The following PPP2R2B variants were observed in gnomAD, a reference collection of about 807,000 sequenced individuals.
PPP2R2B encodes the protein protein phosphatase 2 regulatory subunit Bbeta, also known as serine/threonine-protein phosphatase 2A 55 kDa regulatory subunit B beta isoform.
In PPP2R2B, 5 loss-of-function variants were observed where a neutral mutation model predicts 46.0. That is an observed-to-expected ratio of 0.11 (90% CI 0.06 to 0.23). The LOEUF is 0.23. Ranked by LOEUF, PPP2R2B falls within the 10% of genes least tolerant of loss-of-function variation. The pLI is 1.00. For missense variants in PPP2R2B, 367 were observed against 575.0 expected (o/e 0.64, Z 3.70); for synonymous variants, 215 against 206.7 (o/e 1.04, Z -0.34).
intron 2 of PPP2R2B, among the ~76,000 whole-genome samples, chr5:146,849,670 A>G (rs918998689): frequency 6.6e-5 from 10 of 152,306 alleles, no homozygotes; most frequent in African/African-American, 2.4e-4. Context: ...AAGTGCTTTT[A>G]TTCAACCCAG....
At chr5:147,059,744 G>T (rs1757202540), upstream of PPP2R2B, among the ~76,000 whole-genome samples, 1 of 152,170 alleles carries the variant, frequency 6.6e-6, no homozygotes, top group African/African-American at 2.4e-5. Context: ...TGAGTGCTGT[G>T]CTCTGAACTA....
intron 5 of PPP2R2B, among the ~76,000 whole-genome samples, chr5:146,657,939 T>C (rs1776439717): frequency 6.6e-6 from 1 of 152,112 alleles, no homozygotes; most frequent in Non-Finnish European, 1.5e-5. Flanking sequence ...GTATCATCAA[T>C]TAGGAAGTGC....
chr5:146,606,331 G>C (rs1183973892), intron 7 of PPP2R2B, among the ~76,000 whole-genome samples: 1 of 152,182 alleles, frequency 6.6e-6, no homozygotes, highest in Non-Finnish European at 1.5e-5. Flanking sequence ...ACCACTAACA[G>C]CTGATCCTGA....
At chr5:146,757,323 T>C (rs138010893) in intron 2 of PPP2R2B, among the ~76,000 whole-genome samples, 36 of 152,290 alleles carry the variant, frequency 2.4e-4, no homozygotes, top group African/African-American at 7.5e-4. Flanking sequence ...AAACTTTATA[T>C]AATGGTATCA....
chr5:146,619,738 T>G (rs1463698473), intron 7 of PPP2R2B, among the ~76,000 whole-genome samples: 1 of 152,172 alleles, frequency 6.6e-6, no homozygotes. Flanking sequence ...CACTGGCATG[T>G]GCTGGGGCTG....
chr5:146,929,309 T>C (rs1339933604), intron 1 of PPP2R2B, among the ~76,000 whole-genome samples: 1 of 152,196 alleles, frequency 6.6e-6, no homozygotes, highest in Non-Finnish European at 1.5e-5. Context: ...TTTTGTTCAG[T>C]GACATATCAT....
chr5:147,067,412 GC>G (rs138674956), intron 2 of PPP2R2B, among the ~76,000 whole-genome samples: 7,020 of 152,104 alleles, frequency 0.046, 276 homozygotes, highest in African/African-American at 0.1. Flanking sequence ...TCTGGTATTT[GC>G]CTTTCTGTGC....
Position 146,738,413 on chromosome 5 carries a change from AAAAAT to A in PPP2R2B, c.71-37276_71-37272del, listed in dbSNP as rs1244516427. ...TCAGTCTCAAAAAAAAAAAAAAAAA[AAAAAT>A]CTTAGCTTCACAGAAAAACTAGTTG... On this transcript the variant is annotated intron_variant, in intron 2 of 9. Coordinates refer to ENST00000394411, the MANE Select transcript of PPP2R2B (RefSeq NM_181675.4). Among the ~76,000 whole-genome samples, 4 of 151,846 alleles carry A rather than the reference AAAAAT, an allele frequency of 2.6e-5. No homozygotes were observed. The East Asian group carries it at 7.7e-4, about 29-fold the overall frequency.
At chr5:146,682,321 G>A (rs549264554) in intron 5 of PPP2R2B, among the ~76,000 whole-genome samples, 3 of 152,248 alleles carry the variant, frequency 2.0e-5, no homozygotes, top group East Asian at 1.9e-4. Flanking sequence ...ATGCTTTCCT[G>A]AAACTCCTAG....
intron 5 of PPP2R2B, among the ~76,000 whole-genome samples, chr5:146,675,318 A>C (rs189616032): frequency 6.6e-6 from 1 of 152,226 alleles, no homozygotes; most frequent in Admixed American, 6.5e-5. Flanking sequence ...TGCCCAAACA[A>C]CTTAAGCTTT....
chr5:146,952,484 GA>G (rs916558612), intron 1 of PPP2R2B, among the ~76,000 whole-genome samples: 2 of 151,946 alleles, frequency 1.3e-5, no homozygotes, highest in African/African-American at 2.4e-5. Flanking sequence ...CAAGGATGGG[GA>G]AAAAAAGTTG....
chr5:146,620,018 G>A (rs1022272804), intron 7 of PPP2R2B, among the ~76,000 whole-genome samples: 16 of 152,266 alleles, frequency 1.1e-4, no homozygotes, highest in Middle Eastern at 3.4e-3. Flanking sequence ...AAGAGCACCT[G>A]TTACCTGCCG....
chr5:146,644,874 G>T (rs564854705), intron 6 of PPP2R2B, among the ~76,000 whole-genome samples: 1 of 152,294 alleles, frequency 6.6e-6, no homozygotes, highest in African/African-American at 2.4e-5. Flanking sequence ...TTGCCTTTGT[G>T]AGGTGACTTT....
rs1407860464 is a variant in PPP2R2B at position 146,878,754 on chromosome 5, TGC to T, written c.-290_-289del. On this transcript the variant is annotated 5_prime_UTR_variant, in exon 1 of 10. Transcript: ENST00000394411. This position sits in a 1 kb window ranked among gnomAD's most constrained non-coding sequence, Gnocchi z 4.5. ...CTGCTGCTGCTGCTGCTGCTGCTGC[TGC>T]TGCAGGAGGCTGGAGGCGGCTGGTG... is the stretch of plus-strand genomic sequence containing the variant. The T allele has an allele frequency of 1.3e-5, 18 of 1,334,608 alleles. No homozygotes were observed. In the African/African-American group the frequency reaches 2.6e-4, roughly 19 times the overall value. The allele number at this position is 1,334,608 out of a possible 1,614,324, so 82.7% of individuals were successfully genotyped here.
intron 2 of PPP2R2B, among the ~76,000 whole-genome samples, chr5:146,790,778 T>A (rs1385399892): frequency 6.6e-6 from 1 of 151,952 alleles, no homozygotes; most frequent in African/African-American, 2.4e-5. Flanking sequence ...GCAGGAAGAG[T>A]GAAGCATTAT....
intron 7 of PPP2R2B, among the ~76,000 whole-genome samples, chr5:146,603,186 T>G (rs1473104691): frequency 6.6e-6 from 1 of 152,208 alleles, no homozygotes; most frequent in East Asian, 1.9e-4. Context: ...ATTTTCATTT[T>G]CAGCATGCAC....
rs913811353 is a variant in PPP2R2B at position 146,898,704 on chromosome 5, A to G, written c.79+156961T>C. ...GAACAGGCAACCTACAAAATGGGAG[A>G]AAATTTTCCCAACCTACTCATCTGA... On this transcript the variant is annotated intron_variant, in intron 1 of 8. Coordinates refer to the PPP2R2B transcript ENST00000336640. Among the ~76,000 whole-genome samples the G allele has an allele frequency of 6.7e-4, 76 of 113,282 alleles. 10 individuals carry two copies. Among genetic ancestry groups the G allele is most frequent in the South Asian group, 1.9e-3 (6 of 3,198 alleles). 74.3% of individuals were successfully genotyped at this position (113,282 alleles called of 152,430 possible). A position where few individuals can be genotyped will look rare whatever the true frequency, so the allele number is the denominator to read the frequency against.
intron 2 of PPP2R2B, among the ~76,000 whole-genome samples, chr5:146,759,117 C>T (rs1457480226): frequency 2.0e-5 from 3 of 152,126 alleles, no homozygotes; most frequent in East Asian, 3.8e-4. Context: ...TCAGCAGCTG[C>T]AGTAAGGAAA....
At chr5:147,034,385 A>G (rs1047232303) in intron 1 of PPP2R2B, among the ~76,000 whole-genome samples, 2 of 152,150 alleles carry the variant, frequency 1.3e-5, no homozygotes, top group Non-Finnish European at 2.9e-5. Context: ...TTTATTCATT[A>G]CCATTTTCCC....
Sources: allele counts gnomAD v4.1 joint callset (sites outside exome capture counted in the v4.1 genomes callset), GRCh38; gene constraint gnomAD v4.1.1; non-coding constraint Gnocchi (gnomAD v3.1); transcripts MANE v1.5; gene names NCBI Gene and HGNC (gene_info 2026-07-23, HGNC 2026-07-21).